ERO1A: variants seen among roughly 807,000 people sequenced by gnomAD.
ERO1A encodes the protein endoplasmic reticulum oxidoreductase 1 alpha.
In ERO1A, 49 loss-of-function variants were observed where a neutral mutation model predicts 76.9. The observed-to-expected ratio is 0.64, with a 90% confidence interval of 0.51 to 0.81. ERO1A has a LOEUF of 0.81. ERO1A is among the 30% of genes least tolerant of loss of function. ERO1A has a pLI of 0.00. For missense variants in ERO1A, 448 were observed against 542.1 expected (o/e 0.83, Z 1.72); for synonymous variants, 174 against 181.2 (o/e 0.96, Z 0.32).
chr14:52,683,725 TC>T, intron 2 of ERO1A, 62 bp downstream of exon 2: 2 of 759,092 alleles, frequency 2.6e-6, no homozygotes, highest in Non-Finnish European at 3.9e-6. Context: ...GCTCAGTAAT[TC>T]TTAAGAAAAT....
chr14:52,653,530 T>C (rs1320528686), intron 11 of ERO1A, among the ~76,000 whole-genome samples: 1 of 151,938 alleles, frequency 6.6e-6, no homozygotes, highest in African/African-American at 2.4e-5. Context: ...TTCAATGTTT[T>C]ACTGAGAAAG....
rs373905135 is a variant in ERO1A, at chr14:52,695,383, C to G, written c.99G>C (p.Gln33His). Residue 33 changes from glutamine to histidine, a missense_variant, in exon 1 of 16, where the codon CAG becomes CAC. Gln to His is a conservative substitution (Grantham distance 24, BLOSUM62 0). Around this residue, in one of 2 missense-constraint regions of ERO1A, gnomAD observed 146 missense variants for 130.2 expected, o/e 1.12. Coordinates refer to ENST00000395686, the MANE Select transcript of ERO1A (RefSeq NM_014584.3). Reference sequence around the variant, plus strand: ...CATCGCTCACCTGGCAGAAGCACCTCTGTGCCGCTGTCTCCGGGGGCTGCT... The same window carrying G: ...CATCGCTCACCTGGCAGAAGCACCTGTGTGCCGCTGTCTCCGGGGGCTGCT... ...GEEQPPETAA[Q>H]RCFCQVSGYL... 2 of 1,504,266 alleles carry G rather than the reference C, an allele frequency of 1.3e-6. No homozygotes were observed. Among genetic ancestry groups the G allele is most frequent in the African/African-American group, 1.4e-5 (1 of 70,230 alleles). The allele number at this position is 1,504,266 out of a possible 1,614,324, so 93.2% of individuals were successfully genotyped here.
At chr14:52,695,152 G>A (rs908073746) in intron 1 of ERO1A, among the ~76,000 whole-genome samples, 2 of 152,214 alleles carry the variant, frequency 1.3e-5, no homozygotes, top group Non-Finnish European at 2.9e-5. Context: ...CTGGTCCGAG[G>A]CACCGGAGGG....
rs138363213 is a variant in ERO1A at position 52,667,548 on chromosome 14, C to G, written c.509-1053G>C. Among the ~76,000 whole-genome samples, 355 of 152,164 alleles carry G rather than the reference C, an allele frequency of 2.3e-3. 3 individuals carry two copies. The highest frequency in any genetic ancestry group is 8.2e-3 in the African/African-American group (341 of 41,506). Reference sequence around the variant, plus strand: ...ATTCACAGGCAACCTGGTGAAACACCAGGCATCAATAAAAAATACAAAAAT... The same window carrying G: ...ATTCACAGGCAACCTGGTGAAACACGAGGCATCAATAAAAAATACAAAAAT... On this transcript the variant is annotated intron_variant, in intron 6 of 15. Transcript: ENST00000395686.
At chr14:52,646,485 T>A in intron 13 of ERO1A, 24 bp from the exon 14 acceptor site, 2 of 1,551,018 alleles carry the variant, frequency 1.3e-6, no homozygotes, top group Middle Eastern at 2.0e-4. Context: ...AACAAGATTT[T>A]ATTAAGATGT....
intron 6 of ERO1A, among the ~76,000 whole-genome samples, chr14:52,670,014 T>C (rs1469978718): frequency 6.6e-6 from 1 of 152,138 alleles, no homozygotes; most frequent in Non-Finnish European, 1.5e-5. Context: ...CTCAACCCCC[T>C]GGATCAAGCA....
chr14:52,683,233 ACTAAATAGACC>A (rs2041060267), intron 2 of ERO1A, among the ~76,000 whole-genome samples: 1 of 152,110 alleles, frequency 6.6e-6, no homozygotes, highest in Admixed American at 6.6e-5. Flanking sequence ...ACAGACTGCC[ACTAAATAGACC>A]CTGAACAGAT....
At chr14:52,670,542 G>GATCA (rs1319334036) in intron 6 of ERO1A, among the ~76,000 whole-genome samples, 1 of 152,134 alleles carries the variant, frequency 6.6e-6, no homozygotes, top group Non-Finnish European at 1.5e-5. Context: ...ACTGTGCCAC[G>GATCA]ATCAGAGTTT....
intron 15 of ERO1A, 139 bp downstream of exon 15, chr14:52,646,015 T>C: frequency 1.0e-6 from 1 of 978,200 alleles, no homozygotes; most frequent in South Asian, 1.9e-5. Flanking sequence ...CAGCCTGGGC[T>C]ACAGACCAAA....
rs190128822 is a variant in ERO1A, at chr14:52,663,783, C to T, written c.676+18G>A. The T allele has an allele frequency of 1.5e-4, 217 of 1,460,374 alleles. No homozygotes were observed. The highest frequency in any genetic ancestry group is 9.8e-4 in the Admixed American group (57 of 58,408). 90.5% of individuals were successfully genotyped at this position (1,460,374 alleles called of 1,614,324 possible). The stretch of plus-strand genomic sequence containing the variant: ...CCCTGGCTGAGAAATAATATAACAA[C>T]GCAAATAAGTAATTTACCTTGACCA... On this transcript the variant is annotated intron_variant, in intron 8 of 15. Coordinates refer to ENST00000395686, the MANE Select transcript of ERO1A (RefSeq NM_014584.3).
intron 2 of ERO1A, among the ~76,000 whole-genome samples, chr14:52,682,759 C>G (rs1041511925): frequency 6.6e-6 from 1 of 151,332 alleles, no homozygotes; most frequent in Non-Finnish European, 1.5e-5. Flanking sequence ...ATTAGCGAGG[C>G]CTGGTGGCAG....
At chr14:52,659,250 T>C (rs1473053362) in intron 9 of ERO1A, among the ~76,000 whole-genome samples, 1 of 152,066 alleles carries the variant, frequency 6.6e-6, no homozygotes, top group Admixed American at 6.6e-5. Flanking sequence ...ATACATATGG[T>C]AATAACAGAC....
intron 1 of ERO1A, 52 bp from the exon 2 acceptor site, chr14:52,683,959 G>T (rs201016114): frequency 2.8e-6 from 4 of 1,447,640 alleles, no homozygotes; most frequent in Non-Finnish European, 3.7e-6. Context: ...ATGCAACAGG[G>T]TTCTTTTTCC....
At chr14:52,651,492 C>T (rs973534715) in intron 13 of ERO1A, among the ~76,000 whole-genome samples, 2 of 125,066 alleles carry the variant, frequency 1.6e-5, no homozygotes, top group African/African-American at 5.6e-5. Context: ...AGAAAGTGTA[C>T]GGCAATATAC....
At chr14:52,679,418 ATT>A (rs3064778) in intron 3 of ERO1A, among the ~76,000 whole-genome samples, 16 of 146,838 alleles carry the variant, frequency 1.1e-4, no homozygotes, top group African/African-American at 3.0e-4. Context: ...CCTTCCAATG[ATT>A]TTTTTTTTTT....
At chr14:52,657,334 C>A (rs1314186820) in intron 11 of ERO1A, among the ~76,000 whole-genome samples, 1 of 152,132 alleles carries the variant, frequency 6.6e-6, no homozygotes, top group East Asian at 1.9e-4. Flanking sequence ...CCAGGCTAAG[C>A]CCCAGTTTTG....
At chr14:52,669,259 T>C (rs1418268328) in intron 6 of ERO1A, among the ~76,000 whole-genome samples, 6 of 152,192 alleles carry the variant, frequency 3.9e-5, no homozygotes, top group South Asian at 2.1e-4. Flanking sequence ...AAATGAATCA[T>C]TGATTCTCAC....
chr14:52,647,727 C>A (rs1005188485), intron 13 of ERO1A, among the ~76,000 whole-genome samples: 2 of 152,114 alleles, frequency 1.3e-5, no homozygotes, highest in Admixed American at 1.3e-4. Context: ...ATGGAAATTA[C>A]CAACTGATCC....
At chr14:52,661,523 G>A (rs984171699) in intron 8 of ERO1A, among the ~76,000 whole-genome samples, 2 of 152,162 alleles carry the variant, frequency 1.3e-5, no homozygotes, top group South Asian at 2.1e-4. Flanking sequence ...ATCTCCATGA[G>A]TGTACATAAA....
Sources: gnomAD v4.1 joint callset for allele counts (sites outside exome capture counted in the v4.1 genomes callset) on GRCh38, gnomAD v4.1.1 for gene constraint, gnomAD v4.1.1 regional missense constraint, MANE v1.5 for transcripts, NCBI Gene and HGNC (gene_info 2026-07-23, HGNC 2026-07-21) for gene names.